FKBP9: variants seen among roughly 807,000 people sequenced by gnomAD.
The protein encoded by FKBP9 is FKBP prolyl isomerase 9, also known as peptidyl-prolyl cis-trans isomerase FKBP9.
Under a neutral mutation model 55.6 loss-of-function variants are expected in FKBP9, and 27 were observed. The observed-to-expected ratio is 0.49, with a 90% CI of 0.36 to 0.67. The LOEUF is 0.67. Among genes scored for constraint, FKBP9 ranks in the 30% least tolerant of loss-of-function variants. The probability of loss-of-function intolerance (pLI) is 0.00; values close to 1 mark genes in which losing one functional copy is unlikely to be tolerated. For missense variants in FKBP9, 539 were observed against 742.8 expected, an observed-to-expected ratio of 0.73 and a Z score of 3.19; for synonymous variants, 267 against 296.5, an observed-to-expected ratio of 0.90 and a Z score of 1.02.
intron 6 of FKBP9, 79 bp downstream of exon 6, chr7:32,988,731 T>G: frequency 7.1e-7 from 1 of 1,402,110 alleles, no homozygotes; most frequent in Non-Finnish European, 9.7e-7. Context: ...CTTTTTCTTT[T>G]TCTTCTTTCT....
chr7:32,974,629 C>T lies in FKBP9; in HGVS notation c.234C>T (p.Asp78=). 2 of 1,613,668 alleles carry T rather than the reference C, an allele frequency of 1.2e-6. No individual in the cohort carries two copies. The highest frequency in any genetic ancestry group is 1.7e-6 in the Non-Finnish European group (2 of 1,179,668). Residue 78 remains aspartate, a synonymous_variant, in exon 2 of 10, where the codon GAC becomes GAT. Transcript: ENST00000242209. ...GQKFDSSYDR[D]STFNVFVGKG... ...TTTGGGCCTTCAGCTATGACAGAGACTCCACTTTCAATGTGTTTGTGGGAA... is the reference window on the plus strand; with the variant it reads ...TTTGGGCCTTCAGCTATGACAGAGATTCCACTTTCAATGTGTTTGTGGGAA...
chr7:33,006,275 G>C lies in FKBP9; in HGVS notation c.*924G>C, dbSNP rs1269974261. 1 of 188,778 alleles carries C rather than the reference G, an allele frequency of 5.3e-6. No homozygotes were observed. Among genetic ancestry groups the C allele is most frequent in the Non-Finnish European group, 1.1e-5 (1 of 90,016 alleles). The allele number at this position is 188,778 out of a possible 1,614,324, so 11.7% of individuals were successfully genotyped here. On this transcript the variant is annotated 3_prime_UTR_variant, in exon 10 of 10. Transcript: ENST00000242209. ...TGGGACTACAGGTGTGCACCACCAC[G>C]CCCGGCTAATTTTTGTATTTTTAGT...
intron 5 of FKBP9, 69 bp from the exon 6 acceptor site, chr7:32,988,438 C>T: frequency 1.3e-6 from 2 of 1,534,650 alleles, no homozygotes; most frequent in East Asian, 2.3e-5. Flanking sequence ...ATCTCTTTCC[C>T]AACTAATTTG....
intron 1 of FKBP9, among the ~76,000 whole-genome samples, chr7:32,961,436 T>A (rs1340524921): frequency 6.6e-6 from 1 of 152,218 alleles, no homozygotes; most frequent in Admixed American, 6.5e-5. Context: ...AATTTGCTTT[T>A]CTGACAAGTT....
intron 1 of FKBP9, among the ~76,000 whole-genome samples, chr7:32,963,981 T>C (rs184799170): frequency 1.6e-3 from 239 of 152,310 alleles, no homozygotes; most frequent in African/African-American, 5.7e-3. Context: ...GAAGAGCCAG[T>C]AGGCTGGACA....
intron 1 of FKBP9, among the ~76,000 whole-genome samples, chr7:32,960,412 GCCTGTGT>G (rs1477074363): frequency 1.3e-5 from 2 of 152,136 alleles, no homozygotes; most frequent in Admixed American, 6.5e-5. Context: ...ACCACGCCTG[GCCTGTGT>G]CTTTGATTAT....
At chr7:32,971,329 T>C (rs987692679) in intron 1 of FKBP9, among the ~76,000 whole-genome samples, 4 of 152,256 alleles carry the variant, frequency 2.6e-5, no homozygotes, top group African/African-American at 7.2e-5. Flanking sequence ...TATAAATGTA[T>C]ACATTTTCTT....
intron 5 of FKBP9, 81 bp downstream of exon 5, chr7:32,980,634 A>T (rs1220423588): frequency 6.4e-7 from 1 of 1,553,294 alleles, no homozygotes; most frequent in African/African-American, 1.4e-5. Flanking sequence ...TGATTTAAAT[A>T]CTCTGTCCAT....
At chr7:33,003,959 G>A (rs1490742453) in intron 9 of FKBP9, among the ~76,000 whole-genome samples, 1 of 151,646 alleles carries the variant, frequency 6.6e-6, no homozygotes, top group Non-Finnish European at 1.5e-5. Context: ...CTCATTTATG[G>A]AACCCCTGCT....
chr7:32,972,038 G>A (rs1784263351), intron 1 of FKBP9, among the ~76,000 whole-genome samples: 1 of 152,162 alleles, frequency 6.6e-6, no homozygotes, highest in South Asian at 2.1e-4. Context: ...TCTTGCCGGT[G>A]CATTGTTGCT....
intron 6 of FKBP9, among the ~76,000 whole-genome samples, chr7:32,989,412 TTTTTTTC>T (rs1218396664): frequency 6.6e-6 from 1 of 152,086 alleles, no homozygotes. Flanking sequence ...TTTTTTTTCC[TTTTTTTC>T]TTTTTTCTTT....
At chr7:32,982,574 T>G (rs1784500118) in intron 5 of FKBP9, among the ~76,000 whole-genome samples, 1 of 152,216 alleles carries the variant, frequency 6.6e-6, no homozygotes, top group Non-Finnish European at 1.5e-5. Context: ...ATTTGAGTTG[T>G]TTTTATCTTT....
intron 7 of FKBP9, among the ~76,000 whole-genome samples, chr7:32,996,606 TTTCCTTCCTTCCTTCCTTCCTTCCTTCC>T (rs201756956): frequency 1.8e-5 from 2 of 110,358 alleles, no homozygotes; most frequent in Admixed American, 9.9e-5. Flanking sequence ...AACTGCTATC[TTTCCTTCCTTCCTTCCTTCCTTCCTTCC>T]TTCCTTCCTT....
intron 1 of FKBP9, among the ~76,000 whole-genome samples, chr7:32,969,591 G>C (rs1784214837): frequency 6.6e-6 from 1 of 151,954 alleles, no homozygotes; most frequent in Non-Finnish European, 1.5e-5. Flanking sequence ...GTCTGTATTT[G>C]GGTCAGTACC....
intron 6 of FKBP9, among the ~76,000 whole-genome samples, chr7:32,993,243 C>T (rs985171775): frequency 4.5e-4 from 68 of 152,232 alleles, no homozygotes; most frequent in Non-Finnish European, 7.8e-4. Flanking sequence ...CCTTGTTAAC[C>T]ATTTTAAGTG....
intron 1 of FKBP9, among the ~76,000 whole-genome samples, chr7:32,970,776 T>C (rs1784235988): frequency 6.6e-6 from 1 of 152,104 alleles, no homozygotes; most frequent in Non-Finnish European, 1.5e-5. Context: ...TTAACAGCTT[T>C]TTTTATGGAC....
At chr7:32,978,031 C>G (rs962008931) in intron 4 of FKBP9, among the ~76,000 whole-genome samples, 19 of 150,854 alleles carry the variant, frequency 1.3e-4, no homozygotes, top group African/African-American at 4.6e-4. Flanking sequence ...AAGAGATTCT[C>G]CTGCCTCAGC....
At chr7:32,970,189 C>T (rs1240700366) in intron 1 of FKBP9, among the ~76,000 whole-genome samples, 3 of 151,956 alleles carry the variant, frequency 2.0e-5, no homozygotes, top group African/African-American at 4.8e-5. Context: ...TTCGTGTCCT[C>T]TTTAATTTCT....
intron 3 of FKBP9, among the ~76,000 whole-genome samples, chr7:32,975,652 C>T (rs867557110): frequency 0.045 from 6,637 of 146,338 alleles, 373 homozygotes; most frequent in East Asian, 0.19. Flanking sequence ...CTATTTCTTT[C>T]TTTTTTTTTT....
Sources: gnomAD v4.1 joint callset for allele counts (sites outside exome capture counted in the v4.1 genomes callset) on GRCh38, gnomAD v4.1.1 for gene constraint, MANE v1.5 for transcripts, NCBI Gene and HGNC (gene_info 2026-07-23, HGNC 2026-07-21) for gene names.